Variants in BTBD9 observed in about 807,000 individuals in gnomAD.
The protein encoded by BTBD9 is BTB/POZ domain-containing protein 9.
Under a neutral mutation model 64.3 loss-of-function variants are expected in BTBD9, and 49 were observed. That is an observed-to-expected ratio of 0.76 (90% CI 0.61 to 0.97). The LOEUF (loss-of-function observed/expected upper bound fraction) is 0.97. Among genes scored for constraint, BTBD9 ranks in the 50% least tolerant of loss-of-function variants. BTBD9 has a pLI of 0.00. For missense variants in BTBD9, 598 were observed against 762.1 expected, an observed-to-expected ratio of 0.78 and a Z score of 2.53; for synonymous variants, 260 against 274.7, an observed-to-expected ratio of 0.95 and a Z score of 0.53.
intron 6 of BTBD9, among the ~76,000 whole-genome samples, chr6:38,426,920 A>T (rs576524783): frequency 6.6e-6 from 1 of 151,804 alleles, no homozygotes; most frequent in South Asian, 2.1e-4. Context: ...TCATGTCTAG[A>T]CAAAGAGAGA....
At chr6:38,228,583 AAC>A (rs961412907) in intron 9 of BTBD9, among the ~76,000 whole-genome samples, 46 of 151,280 alleles carry the variant, frequency 3.0e-4, no homozygotes, top group African/African-American at 1.1e-3. Context: ...TTAAAAAAAA[AAC>A]AGTCTCTAGG....
chr6:38,183,397 T>G (rs9470812), intron 10 of BTBD9, among the ~76,000 whole-genome samples: 4,776 of 152,332 alleles, frequency 0.031, 263 homozygotes, highest in African/African-American at 0.11. Flanking sequence ...GCAAGTGTCC[T>G]GAGAGGCAGG....
intron 9 of BTBD9, among the ~76,000 whole-genome samples, chr6:38,218,145 C>T (rs898735901): frequency 1.5e-4 from 23 of 152,132 alleles, no homozygotes; most frequent in African/African-American, 4.3e-4. Flanking sequence ...TATGTCATAC[C>T]TCTGGTTCCA....
At chr6:38,584,952 G>A (rs1398502317) in intron 4 of BTBD9, among the ~76,000 whole-genome samples, 1 of 152,078 alleles carries the variant, frequency 6.6e-6, no homozygotes, top group Non-Finnish European at 1.5e-5. Context: ...TGGTGAGTCA[G>A]AAGACCAGCA....
At chr6:38,552,410 G>C (rs745722064) in intron 6 of BTBD9, among the ~76,000 whole-genome samples, 3 of 152,140 alleles carry the variant, frequency 2.0e-5, no homozygotes, top group Non-Finnish European at 4.4e-5. Flanking sequence ...AGTAATGGCA[G>C]GACTAACTCA....
At chr6:38,432,609 G>A (rs906843784) in intron 6 of BTBD9, among the ~76,000 whole-genome samples, 1 of 151,838 alleles carries the variant, frequency 6.6e-6, no homozygotes, top group Non-Finnish European at 1.5e-5. Context: ...CACCACTATT[G>A]TAGAACCTAA....
At chr6:38,434,206 A>G (rs769710257) in intron 6 of BTBD9, among the ~76,000 whole-genome samples, 17 of 152,036 alleles carry the variant, frequency 1.1e-4, no homozygotes, top group Non-Finnish European at 2.5e-4. Context: ...TAACATAGCT[A>G]GATCTTTTTC....
At chr6:38,375,891 AAAAG>A (rs70981544) in intron 6 of BTBD9, among the ~76,000 whole-genome samples, 1,504 of 122,368 alleles carry the variant, frequency 0.012, 20 homozygotes, top group South Asian at 0.027. Flanking sequence ...AGAAAGAAAG[AAAAG>A]AAAGAAAGAA....
intron 6 of BTBD9, among the ~76,000 whole-genome samples, chr6:38,364,455 T>C (rs1399065962): frequency 6.6e-6 from 1 of 152,236 alleles, no homozygotes; most frequent in Non-Finnish European, 1.5e-5. Flanking sequence ...TAATTTTCTA[T>C]GCAAATGCTT....
chr6:38,638,694 C>T (rs183511520), intron 1 of BTBD9, among the ~76,000 whole-genome samples: 5 of 152,316 alleles, frequency 3.3e-5, no homozygotes, highest in Admixed American at 6.5e-5. Context: ...GAATTTTAGA[C>T]CTAAATGAGA....
At chr6:38,501,572 A>T (rs1772203292) in intron 6 of BTBD9, among the ~76,000 whole-genome samples, 1 of 152,066 alleles carries the variant, frequency 6.6e-6, no homozygotes, top group South Asian at 2.1e-4. Flanking sequence ...CACCAATCCC[A>T]TCCCTTGGTG....
At chr6:38,622,855 T>C (rs1358179718) in intron 1 of BTBD9, among the ~76,000 whole-genome samples, 2 of 152,222 alleles carry the variant, frequency 1.3e-5, no homozygotes, top group African/African-American at 4.8e-5. Flanking sequence ...GGTTTTGTAA[T>C]GGCAAACATA....
chr6:38,417,946 A>G (rs1181939103), intron 6 of BTBD9, among the ~76,000 whole-genome samples: 1 of 152,230 alleles, frequency 6.6e-6, no homozygotes, highest in African/African-American at 2.4e-5. Flanking sequence ...CCAAAGGGGA[A>G]GATTTTTTAA....
chr6:38,398,150 A>G (rs1766766053), intron 6 of BTBD9, among the ~76,000 whole-genome samples: 1 of 152,226 alleles, frequency 6.6e-6, no homozygotes. Context: ...ATCAAGATAC[A>G]TGTTCCTAAC....
At chr6:38,337,260 T>C (rs1287659872) in intron 7 of BTBD9, among the ~76,000 whole-genome samples, 1 of 152,256 alleles carries the variant, frequency 6.6e-6, no homozygotes, top group African/African-American at 2.4e-5. Flanking sequence ...AGTTGTGTTA[T>C]ACGTCTAGGT....
intron 6 of BTBD9, among the ~76,000 whole-genome samples, chr6:38,428,050 A>G (rs1354160262): frequency 6.6e-6 from 1 of 151,904 alleles, no homozygotes; most frequent in African/African-American, 2.4e-5. Context: ...GCCCCTTCAA[A>G]GGAATGAGGA....
chr6:38,454,777 G>C (rs1769721149), intron 6 of BTBD9, among the ~76,000 whole-genome samples: 1 of 149,042 alleles, frequency 6.7e-6, no homozygotes, highest in African/African-American at 2.5e-5. Flanking sequence ...TTCCAGCCTA[G>C]AAGACAGAGC....
At chr6:38,296,274 C>T (rs1474951087) in intron 7 of BTBD9, among the ~76,000 whole-genome samples, 1 of 151,998 alleles carries the variant, frequency 6.6e-6, no homozygotes, top group Non-Finnish European at 1.5e-5. Context: ...AGTTTTCAAA[C>T]ATACTGGCAT....
intron 9 of BTBD9, among the ~76,000 whole-genome samples, chr6:38,204,879 CATT>C (rs951550474): frequency 9.2e-5 from 14 of 151,678 alleles, no homozygotes; most frequent in African/African-American, 3.4e-4. Context: ...TAAAAGGAAG[CATT>C]ATTACATCTT....
Sources: gnomAD v4.1 joint callset for allele counts (sites outside exome capture counted in the v4.1 genomes callset) on GRCh38, gnomAD v4.1.1 for gene constraint, MANE v1.5 for transcripts, NCBI Gene and HGNC (gene_info 2026-07-23, HGNC 2026-07-21) for gene names.